CENPF: variants seen among roughly 807,000 people sequenced by gnomAD.
CENPF encodes centromere protein F, also known as AH antigen.
A neutral mutation model predicts 307.3 loss-of-function variants in CENPF; 214 were observed. The observed-to-expected ratio is 0.70, with a 90% confidence interval of 0.62 to 0.78. The LOEUF is 0.78. CENPF is among the 30% of genes least tolerant of loss of function. The pLI is 0.00. For missense variants in CENPF, 3,401 were observed against 3,483.9 expected (o/e 0.98, Z 0.60); for synonymous variants, 1,259 against 1,270.6 (o/e 0.99, Z 0.19).
Position 214,642,000 on chromosome 1 carries a change from A to T in CENPF, c.3662A>T (p.Glu1221Val). Residue 1221 changes from glutamate (E) to valine (V), a missense_variant, in exon 12 of 20, where the codon GAA becomes GTA. Coordinates refer to ENST00000366955, the MANE Select transcript of CENPF (RefSeq NM_016343.4). ...TTAGAAGCTATGCTAAGAAATAAGG[A>T]ATTAAAACTTCAGGAAAGTGAGAAG... The part of the protein sequence containing the change: ...VQLEAMLRNK[E>V]LKLQESEKEK... The T allele has an allele frequency of 6.2e-7, 1 of 1,610,650 alleles. No homozygotes were observed. Among genetic ancestry groups the T allele is most frequent in the Non-Finnish European group, 8.5e-7 (1 of 1,179,180 alleles).
At position 214,642,423 on chromosome 1, in the gene CENPF, A is replaced by C; in HGVS notation, c.4085A>C (p.Glu1362Ala). ...GGTCTTCTCCATGGTGAGTTAGTGG[A>C]AGACATACCAGGAGGTGAATTTGGT... ...DSGLLHGELV[E>A]DIPGGEFGEQ... The change falls in exon 12 of 20, where the codon GAA (glutamate) becomes GCA (alanine). Residue 1362 changes from glutamate to alanine, a missense_variant. Transcript: ENST00000366955. The C allele has an allele frequency of 6.3e-7, 1 of 1,598,354 alleles. No homozygotes were observed. Among genetic ancestry groups the C allele is most frequent in the Middle Eastern group, 1.7e-4 (1 of 5,956 alleles).
chr1:214,610,197 G>T (rs1238747440), intron 1 of CENPF, among the ~76,000 whole-genome samples: 2 of 151,978 alleles, frequency 1.3e-5, no homozygotes. Context: ...ATATTCCTCT[G>T]GGTATATACC....
rs111943005 is a variant in CENPF at position 214,645,011 on chromosome 1, A to G, written c.5441A>G (p.Gln1814Arg). 2.5e-6 allele frequency: 4 copies of G among 1,613,756 alleles called. No individual in the cohort carries two copies. Among genetic ancestry groups the G allele is most frequent in the African/African-American group, 1.3e-5 (1 of 75,018 alleles). The change falls in exon 13 of 20, where the codon CAG becomes CGG. Residue 1814 changes from glutamine (Q) to arginine (R), a missense_variant. Transcript: ENST00000366955. ...MKELDSKLHL[Q>R]EVQLMTKIEA... ...GAATTAGACTCAAAACTCCATTTAC[A>G]GGAGGTACAACTAATGACCAAAATT... is the stretch of plus-strand genomic sequence containing the variant.
In CENPF at chr1:214,641,945, C is replaced by T; in HGVS notation, c.3607C>T (p.Leu1203=). The change falls in exon 12 of 20, where the codon CTA becomes TTA. Residue 1203 remains leucine, a synonymous_variant. Coordinates refer to ENST00000366955, the MANE Select transcript of CENPF (RefSeq NM_016343.4). The part of the protein sequence containing the change: ...QMDLEVKEIS[L]DSYNAQLVQL... ...GGATCTTGAAGTTAAAGAAATTTCT[C>T]TAGATAGTTATAATGCGCAGTTGGT... The T allele has an allele frequency of 6.3e-7, 1 of 1,589,628 alleles. No homozygotes were observed. Among genetic ancestry groups the T allele is most frequent in the Non-Finnish European group, 8.5e-7 (1 of 1,172,908 alleles).
intron 7 of CENPF, among the ~76,000 whole-genome samples, chr1:214,626,520 A>G (rs1657659749): frequency 6.6e-6 from 1 of 152,234 alleles, no homozygotes; most frequent in African/African-American, 2.4e-5. Context: ...CAGTGGAACT[A>G]TGACCTCCTT....
intron 8 of CENPF, among the ~76,000 whole-genome samples, chr1:214,629,883 T>C (rs1049855278): frequency 6.6e-6 from 1 of 152,148 alleles, no homozygotes; most frequent in African/African-American, 2.4e-5. Context: ...TGTGGGTTGG[T>C]AAATAAATTA....
chr1:214,627,444 G>T (rs1657686989), intron 7 of CENPF, among the ~76,000 whole-genome samples: 1 of 142,332 alleles, frequency 7.0e-6, no homozygotes, highest in Non-Finnish European at 1.5e-5. Context: ...TGCAATCTTG[G>T]CTCACTGCAA....
intron 15 of CENPF, 60 bp downstream of exon 15, chr1:214,651,946 CT>C (rs34322009): frequency 0.12 from 130,604 of 1,046,196 alleles, no homozygotes; most frequent in East Asian, 0.22. Flanking sequence ...CATGGTAAGG[CT>C]TTTTTTTTTT....
At chr1:214,620,075 C>G (rs1434863551) in intron 5 of CENPF, among the ~76,000 whole-genome samples, 1 of 152,136 alleles carries the variant, frequency 6.6e-6, no homozygotes, top group Non-Finnish European at 1.5e-5. Context: ...AAATCTAATG[C>G]TGCATTCACC....
At chr1:214,652,320 C>G (rs1044862893) in intron 15 of CENPF, among the ~76,000 whole-genome samples, 1 of 149,968 alleles carries the variant, frequency 6.7e-6, no homozygotes, top group East Asian at 2.0e-4. Context: ...CAGGCGTGAG[C>G]CACTGCGCCT....
At chr1:214,649,645 T>C (rs1450614716) in intron 14 of CENPF, among the ~76,000 whole-genome samples, 2 of 152,224 alleles carry the variant, frequency 1.3e-5, no homozygotes, top group African/African-American at 4.8e-5. Context: ...TGGAAAGGTT[T>C]TGGCATCAAA....
At chr1:214,655,021 G>A (rs1658591715) in intron 16 of CENPF, 2 of 315,492 alleles carry the variant, frequency 6.3e-6, no homozygotes, top group South Asian at 8.5e-5. Flanking sequence ...GTTTATACTT[G>A]TGATACTAAG....
chr1:214,605,863 G>A lies in CENPF; in HGVS notation c.-42+2542G>A, dbSNP rs188430800. ...CCTCGTCCTCCGTGCCGTGGATGAT[G>A]AGCACGGGCGACGTGATCTTGGACA... On this transcript the variant is annotated intron_variant, in intron 1 of 19. Transcript: ENST00000366955. 496 of 1,597,104 alleles carry A rather than the reference G, an allele frequency of 3.1e-4. 2 individuals carry two copies. In the African/African-American group the frequency reaches 5.8e-3, roughly 19 times the overall value.
chr1:214,642,549 T>C lies in CENPF; in HGVS notation c.4211T>C (p.Phe1404Ser). Residue 1404 changes from phenylalanine to serine, a missense_variant, in exon 12 of 20, where the codon TTT becomes TCT. Transcript: ENST00000366955. ...TLSDKEVQMH[F>S]AELQEKFLSL... ...TCAGACAAAGAAGTTCAAATGCACT[T>C]TGCCGAATTGCAAGAGAAATTCTTA... The C allele has an allele frequency of 1.9e-6, 3 of 1,611,652 alleles. No individual in the cohort carries two copies. The highest frequency in any genetic ancestry group is 2.5e-6 in the Non-Finnish European group (3 of 1,178,998).
At position 214,622,101 on chromosome 1, in the gene CENPF, GT is replaced by G; in HGVS notation, c.890del (p.Leu297TrpfsTer12). ...NQELRNKINELELRLQGHEKE... is the reference protein window; with the variant it reads ...NQELRNKINEXELRLQGHEKE... ...AAGAGCTAAGAAACAAGATTAATGA[GT>G]TGGAACTACGCCTGCAAGGACATGA... On this transcript the variant is annotated frameshift_variant, in exon 7 of 20. Coordinates refer to ENST00000366955, the MANE Select transcript of CENPF (RefSeq NM_016343.4). LOFTEE classifies it high-confidence loss of function. The G allele has an allele frequency of 6.2e-7, 1 of 1,613,904 alleles. No homozygotes were observed. Among genetic ancestry groups the G allele is most frequent in the Non-Finnish European group, 8.5e-7 (1 of 1,179,924 alleles).
Position 214,620,755 on chromosome 1 carries a change from C to G in CENPF, c.674C>G (p.Pro225Arg), listed in dbSNP as rs751719307. 3 of 1,614,102 alleles carry G rather than the reference C, an allele frequency of 1.9e-6. No individual in the cohort carries two copies. In the East Asian group the frequency reaches 6.7e-5, roughly 36 times the overall value. Residue 225 changes from proline (P) to arginine (R), a missense_variant, in exon 6 of 20, where the codon CCA becomes CGA. Coordinates refer to ENST00000366955, the MANE Select transcript of CENPF (RefSeq NM_016343.4). ...SVFSWQQEKT[P>R]SHLSSNSQRT... is the part of the protein sequence containing the mutation. The stretch of plus-strand genomic sequence containing the variant: ...TTCTCATGGCAGCAAGAGAAGACCC[C>G]AAGTCATCTTTCATCTAATTCTCAA...
At chr1:214,608,802 G>A in intron 1 of CENPF, 1 of 1,599,774 alleles carries the variant, frequency 6.3e-7, no homozygotes, top group Non-Finnish European at 8.5e-7. Context: ...GCGGGCAGCA[G>A]AAGAGGCAGC....
Position 214,640,974 on chromosome 1 carries a change from C to T in CENPF, c.2636C>T (p.Ala879Val). 6.3e-7 allele frequency: 1 copy of T among 1,597,858 alleles called. No homozygotes were observed. Among genetic ancestry groups the T allele is most frequent in the Non-Finnish European group, 8.5e-7 (1 of 1,175,730 alleles). Residue 879 changes from alanine (A) to valine (V), a missense_variant, in exon 12 of 20, where the codon GCT becomes GTT. By Grantham distance (64) the Ala-to-Val change is moderately conservative. Transcript: ENST00000366955. Reference protein sequence around the residue: ...KAEQMHQSFVAETSQRISKLQ... With the variant: ...KAEQMHQSFVVETSQRISKLQ... The stretch of plus-strand genomic sequence containing the variant: ...GAACAGATGCATCAAAGTTTTGTGG[C>T]TGAAACAAGTCAGCGCATTAGTAAG...
At chr1:214,628,169 T>C (rs1445957477) in intron 7 of CENPF, among the ~76,000 whole-genome samples, 4 of 152,252 alleles carry the variant, frequency 2.6e-5, no homozygotes, top group Non-Finnish European at 5.9e-5. Flanking sequence ...AGTGGTCATA[T>C]ACTCTTATAT....
Sources: gnomAD v4.1 joint callset for allele counts (sites outside exome capture counted in the v4.1 genomes callset) on GRCh38, gnomAD v4.1.1 for gene constraint, MANE v1.5 for transcripts, NCBI Gene and HGNC (gene_info 2026-07-23, HGNC 2026-07-21) for gene names.